The following FOXP1 variants were observed in gnomAD, a reference collection of about 807,000 sequenced individuals.
FOXP1 encodes the protein forkhead box protein P1.
Under a neutral mutation model 98.2 loss-of-function variants are expected in FOXP1, and 15 were observed. The ratio of observed to expected loss-of-function variants is 0.15; its 90% CI spans 0.10 to 0.24. The LOEUF is 0.24. Ranked by LOEUF, FOXP1 falls within the 10% of genes least tolerant of loss-of-function variation. The pLI is 1.00. For synonymous variants in FOXP1, 371 were observed against 314.5 expected, an observed-to-expected ratio of 1.18 and a Z score of -1.90; for missense variants, 633 against 848.5, an observed-to-expected ratio of 0.75 and a Z score of 3.15.
chr3:71,241,236 A>G (rs2067253820), intron 5 of FOXP1, among the ~76,000 whole-genome samples: 1 of 142,038 alleles, frequency 7.0e-6, no homozygotes, highest in Non-Finnish European at 1.6e-5. Context: ...ACAAAACAAA[A>G]AAACAAAAAA....
At chr3:71,362,063 C>T (rs1246311859) in intron 3 of FOXP1, among the ~76,000 whole-genome samples, 1 of 152,212 alleles carries the variant, frequency 6.6e-6, no homozygotes, top group Non-Finnish European at 1.5e-5. Context: ...GTGGACAAGT[C>T]TGACTTTTGA....
Position 70,954,863 on chromosome 3 carries a change from T to C in FOXP1, c.*4384A>G, listed in dbSNP as rs1183842990. ...GTTGATGTCAAGGAATGAGTTTCTT[T>C]TATGCCTTATCAAAACAAAACAAAA... On this transcript the variant is annotated 3_prime_UTR_variant, in exon 21 of 21. Transcript: ENST00000649528. 3 of 232,440 alleles carry C rather than the reference T, an allele frequency of 1.3e-5. No individual in the cohort carries two copies. The highest frequency in any genetic ancestry group is 6.7e-5 in the African/African-American group (3 of 45,112). The allele number at this position is 232,440 out of a possible 1,614,324, so 14.4% of individuals were successfully genotyped here.
intron 3 of FOXP1, among the ~76,000 whole-genome samples, chr3:71,444,885 G>T (rs934393514): frequency 9.2e-5 from 14 of 152,178 alleles, no homozygotes; most frequent in Admixed American, 9.2e-4. Flanking sequence ...GGGGAGTGGG[G>T]ATGGCCATGG....
intron 18 of FOXP1, 65 bp downstream of exon 18, chr3:70,972,490 C>T (rs778176787): frequency 2.1e-5 from 33 of 1,606,242 alleles, no homozygotes; most frequent in Admixed American, 6.7e-5. Context: ...GCAGCCAAAG[C>T]CTCTACGTTA....
intron 3 of FOXP1, chr3:71,360,451 C>T (rs2107906803): frequency 1.3e-5 from 2 of 152,276 alleles, no homozygotes; most frequent in Non-Finnish European, 2.9e-5. Context: ...GCTTTCATCG[C>T]TTGGTTAGGT....
At chr3:71,248,221 C>T (rs573342422) in intron 5 of FOXP1, among the ~76,000 whole-genome samples, 2 of 152,224 alleles carry the variant, frequency 1.3e-5, no homozygotes, top group Non-Finnish European at 2.9e-5. Flanking sequence ...TCCTACTCTA[C>T]AATATATGTT....
chr3:71,176,784 G>A (rs964068700), intron 6 of FOXP1, among the ~76,000 whole-genome samples: 21 of 150,480 alleles, frequency 1.4e-4, no homozygotes, highest in Admixed American at 6.0e-4. Flanking sequence ...GCCGGGGGGC[G>A]GGTGCGGTGG....
intron 3 of FOXP1, among the ~76,000 whole-genome samples, chr3:71,428,893 T>C (rs1244149902): frequency 5.9e-5 from 9 of 152,236 alleles, no homozygotes; most frequent in African/African-American, 2.2e-4. Flanking sequence ...CAGGAGGCAC[T>C]GCTGAAGCCG....
At chr3:71,326,665 T>C (rs1361220910) in intron 4 of FOXP1, among the ~76,000 whole-genome samples, 2 of 152,214 alleles carry the variant, frequency 1.3e-5, no homozygotes, top group African/African-American at 4.8e-5. Context: ...CTAAATGATC[T>C]ACTTGAGAAC....
At chr3:71,571,097 C>T (rs2047307459) in intron 2 of FOXP1, 1 of 152,126 alleles carries the variant, frequency 6.6e-6, no homozygotes, top group Admixed American at 6.5e-5. Flanking sequence ...AGTAGTAAAA[C>T]AAGTGCTAAA....
chr3:71,003,852 G>C (rs1428430853), intron 12 of FOXP1, among the ~76,000 whole-genome samples: 1 of 151,958 alleles, frequency 6.6e-6, no homozygotes, highest in Non-Finnish European at 1.5e-5. Context: ...CATTATGCTC[G>C]CTAATGGATC....
intron 4 of FOXP1, among the ~76,000 whole-genome samples, chr3:71,327,503 T>G (rs57963523): frequency 0.43 from 63,210 of 148,140 alleles, 16,092 homozygotes; most frequent in East Asian, 0.89. Flanking sequence ...TTCTCCTGCC[T>G]TAGCCTCCCG....
intron 6 of FOXP1, among the ~76,000 whole-genome samples, chr3:71,163,956 A>G (rs2061274893): frequency 6.6e-6 from 1 of 152,178 alleles, no homozygotes; most frequent in African/African-American, 2.4e-5. Context: ...CTCCTTCACA[A>G]TGGCGACTGT....
intron 3 of FOXP1, among the ~76,000 whole-genome samples, chr3:71,435,029 C>T (rs2085112785): frequency 6.6e-6 from 1 of 151,314 alleles, no homozygotes; most frequent in Non-Finnish European, 1.5e-5. Context: ...TACGGCATGT[C>T]GTCAGTTCTT....
At chr3:71,478,643 G>A (rs2106810340) in intron 3 of FOXP1, among the ~76,000 whole-genome samples, 1 of 152,332 alleles carries the variant, frequency 6.6e-6, no homozygotes, top group South Asian at 2.1e-4. Flanking sequence ...ATGGGAGTCA[G>A]TATGCATTAA....
At chr3:71,389,024 G>T (rs1162595045) in intron 3 of FOXP1, among the ~76,000 whole-genome samples, 1 of 151,900 alleles carries the variant, frequency 6.6e-6, no homozygotes, top group African/African-American at 2.4e-5. Flanking sequence ...GTTAATAAAG[G>T]TTCTCAGAAT....
chr3:71,284,218 T>G (rs1314110933), intron 5 of FOXP1, among the ~76,000 whole-genome samples: 1 of 152,140 alleles, frequency 6.6e-6, no homozygotes, highest in Non-Finnish European at 1.5e-5. Flanking sequence ...ATTACATAAC[T>G]GTTCTTCTAC....
chr3:71,442,109 T>C (rs1172564540), intron 3 of FOXP1, among the ~76,000 whole-genome samples: 4 of 152,194 alleles, frequency 2.6e-5, no homozygotes, highest in Admixed American at 2.6e-4. Flanking sequence ...GGAACTCATA[T>C]TCATGCCTCA....
intron 3 of FOXP1, among the ~76,000 whole-genome samples, chr3:71,440,374 T>A (rs915766906): frequency 1.1e-4 from 16 of 150,858 alleles, no homozygotes; most frequent in Non-Finnish European, 2.4e-4. Context: ...GAGACCAGCC[T>A]GGGTAACAAA....
Sources: allele counts gnomAD v4.1 joint callset (sites outside exome capture counted in the v4.1 genomes callset), GRCh38; gene constraint gnomAD v4.1.1; transcripts MANE v1.5; gene names NCBI Gene and HGNC (gene_info 2026-07-23, HGNC 2026-07-21).